Variants in MYLK observed in about 807,000 individuals in gnomAD.
MYLK encodes myosin light chain kinase, also known as myosin light chain kinase, smooth muscle.
MYLK carries 106 observed loss-of-function variants against 203.4 expected under a neutral mutation model. That is an observed-to-expected ratio of 0.52 (90% CI 0.45 to 0.61). MYLK has a LOEUF of 0.61. Among genes scored for constraint, MYLK ranks in the 20% least tolerant of loss-of-function variants. The pLI, the probability that MYLK is intolerant of heterozygous loss-of-function variation, is 0.00. For missense variants in MYLK, 2,072 were observed against 2,442.3 expected (o/e 0.85, Z 3.20); for synonymous variants, 867 against 959.5 (o/e 0.90, Z 1.78).
At chr3:123,874,765 T>C (rs1233482432) in intron 2 of MYLK, among the ~76,000 whole-genome samples, 2 of 152,004 alleles carry the variant, frequency 1.3e-5, no homozygotes, top group Non-Finnish European at 2.9e-5. Flanking sequence ...GTCCAGAATA[T>C]ATAAAGAGCT....
At chr3:123,702,120 C>T (rs2061258474) in intron 16 of MYLK, among the ~76,000 whole-genome samples, 1 of 152,206 alleles carries the variant, frequency 6.6e-6, no homozygotes, top group African/African-American at 2.4e-5. Flanking sequence ...CTGGATTCTT[C>T]ATGTCCATAA....
chr3:123,710,766 G>A (rs2061661438), intron 13 of MYLK, among the ~76,000 whole-genome samples: 2 of 152,134 alleles, frequency 1.3e-5, no homozygotes, highest in Non-Finnish European at 2.9e-5. Flanking sequence ...ACAAAGTCTT[G>A]TACACAAACA....
At position 123,640,517 on chromosome 3, in the gene MYLK, G is replaced by A. The variant is rs759029485; in HGVS notation, c.4620-13C>T. 12 of 1,613,404 alleles carry A rather than the reference G, an allele frequency of 7.4e-6. No homozygotes were observed. Among genetic ancestry groups the A allele is most frequent in the South Asian group, 2.2e-5 (2 of 91,058 alleles). On this transcript the variant is annotated splice_polypyrimidine_tract_variant and intron_variant, in intron 27 of 33. Transcript: ENST00000360304. This position sits in a 1 kb window ranked among gnomAD's most constrained non-coding sequence, Gnocchi z 4.3. ...CCCTCCTGACACGCTGCGGGAACAC[G>A]TGCACGGGGTGGTCAGGCCACAGGC...
In MYLK at chr3:123,657,198, C is replaced by A. The variant is rs1205248146; in HGVS notation, c.4216G>T (p.Ala1406Ser). 3 of 1,614,080 alleles carry A rather than the reference C, an allele frequency of 1.9e-6. No homozygotes were observed. The highest frequency in any genetic ancestry group is 2.5e-6 in the Non-Finnish European group (3 of 1,180,052). ...PDHEYKFRVR[A>S]INVYGTSEPS... Reference sequence around the variant, plus strand: ...TCACTGGTTCCATACACGTTGATTGCACGTACACGGAACTTATATTCGTGG... The same window carrying A: ...TCACTGGTTCCATACACGTTGATTGAACGTACACGGAACTTATATTCGTGG... Residue 1406 changes from alanine to serine, a missense_variant, in exon 24 of 34, where the codon GCA becomes TCA. By Grantham distance (99) the Ala-to-Ser change is moderately conservative (BLOSUM62 1). Transcript: ENST00000360304.
At chr3:123,685,612 GAAA>G (rs59215456) in intron 19 of MYLK, among the ~76,000 whole-genome samples, 1,811 of 112,390 alleles carry the variant, frequency 0.016, 26 homozygotes, top group Middle Eastern at 0.032. Flanking sequence ...TCCAAAAAAT[GAAA>G]AAAAAAAAAA....
At chr3:123,698,008 G>A (rs1223522004) in intron 18 of MYLK, among the ~76,000 whole-genome samples, 3 of 152,218 alleles carry the variant, frequency 2.0e-5, no homozygotes, top group Non-Finnish European at 4.4e-5. Flanking sequence ...CGAGAAGACA[G>A]TGGCTAATGG....
intron 11 of MYLK, among the ~76,000 whole-genome samples, chr3:123,729,509 T>C (rs958774376): frequency 6.6e-5 from 10 of 152,224 alleles, no homozygotes; most frequent in African/African-American, 2.4e-4. Context: ...TAGGCATTTC[T>C]CTGAAGGAGA....
intron 13 of MYLK, 96 bp downstream of exon 13, chr3:123,722,032 G>C: frequency 2.0e-6 from 3 of 1,493,534 alleles, no homozygotes; most frequent in Non-Finnish European, 2.7e-6. Context: ...CCCTGGATTT[G>C]AGCTCATGAT....
chr3:123,678,556 A>G (rs954567064), intron 20 of MYLK, among the ~76,000 whole-genome samples: 7 of 150,882 alleles, frequency 4.6e-5, no homozygotes, highest in Non-Finnish European at 2.9e-5. Flanking sequence ...GTCATGATCT[A>G]TTTGATGAAA....
At chr3:123,646,652 C>G (rs2059031689) in intron 27 of MYLK, among the ~76,000 whole-genome samples, 1 of 152,190 alleles carries the variant, frequency 6.6e-6, no homozygotes, top group Non-Finnish European at 1.5e-5. Flanking sequence ...TCTGATAATC[C>G]CCCTGCCTTT....
At chr3:123,803,640 C>G (rs1017441795) in intron 3 of MYLK, among the ~76,000 whole-genome samples, 6 of 152,242 alleles carry the variant, frequency 3.9e-5, no homozygotes, top group African/African-American at 1.4e-4. Flanking sequence ...CAAGCCCAGG[C>G]AGGGATGAGC....
At position 123,703,363 on chromosome 3, in the gene MYLK, CT is replaced by C. The variant is rs2061326549; in HGVS notation, c.2391-1855del. On this transcript the variant is annotated intron_variant, in intron 16 of 33. Transcript: ENST00000360304. ...TGTCCTTCTCTCCAGTGCCCTCGTG[CT>C]GTCCCAGGCTGTGCTGGTGCAGGTG... Among the ~76,000 whole-genome samples the C allele has an allele frequency of 4.6e-5, 7 of 152,318 alleles. No homozygotes were observed. The South Asian group carries it at 1.5e-3, about 32-fold the overall frequency.
At chr3:123,850,799 T>G (rs935175996) in intron 2 of MYLK, among the ~76,000 whole-genome samples, 2 of 152,174 alleles carry the variant, frequency 1.3e-5, no homozygotes, top group Admixed American at 1.3e-4. Context: ...TTTTGGTGTT[T>G]TAGACATGAA....
chr3:123,846,441 C>T (rs966189514), intron 2 of MYLK, among the ~76,000 whole-genome samples: 2 of 152,080 alleles, frequency 1.3e-5, no homozygotes, highest in African/African-American at 2.4e-5. Context: ...TCTTTTACTG[C>T]TATATATAGT....
intron 2 of MYLK, among the ~76,000 whole-genome samples, chr3:123,876,085 TG>T (rs2033134843): frequency 6.6e-6 from 1 of 152,010 alleles, no homozygotes; most frequent in African/African-American, 2.4e-5. Flanking sequence ...CATACAAAAC[TG>T]GCCAAGGGAA....
chr3:123,741,265 G>GGTTTAA (rs1434261596), intron 5 of MYLK, among the ~76,000 whole-genome samples: 1 of 152,138 alleles, frequency 6.6e-6, no homozygotes, highest in Non-Finnish European at 1.5e-5. Flanking sequence ...AGCCACACCC[G>GGTTTAA]GTTTAAGATT....
Position 123,795,191 on chromosome 3 carries a change from GT to G in MYLK, c.-3-1348del, listed in dbSNP as rs547985940. On this transcript the variant is annotated intron_variant, in intron 3 of 33. Coordinates refer to ENST00000360304, the MANE Select transcript of MYLK (RefSeq NM_053025.4). ...GTTGAAAGCATACTATGTAAACAAT[GT>G]TTTCTATTTTTTCCCTACAACTTTT... is the stretch of plus-strand genomic sequence containing the variant. 2.1e-3 allele frequency among the ~76,000 whole-genome samples: 316 copies of G among 152,190 alleles called. 4 individuals carry two copies. Among genetic ancestry groups the G allele is most frequent in the African/African-American group, 7.2e-3 (299 of 41,526 alleles).
chr3:123,750,634 C>T (rs879630698), intron 5 of MYLK, among the ~76,000 whole-genome samples: 6 of 152,218 alleles, frequency 3.9e-5, no homozygotes, highest in Non-Finnish European at 7.3e-5. Flanking sequence ...TAGAGTCACA[C>T]ATCTCATTGG....
At chr3:123,763,566 T>C (rs1297889132) in intron 4 of MYLK, among the ~76,000 whole-genome samples, 1 of 151,392 alleles carries the variant, frequency 6.6e-6, no homozygotes, top group African/African-American at 2.4e-5. Flanking sequence ...AGTGGAAACC[T>C]TTTTTTTTCT....
Sources: allele counts gnomAD v4.1 joint callset (sites outside exome capture counted in the v4.1 genomes callset), GRCh38; gene constraint gnomAD v4.1.1; non-coding constraint Gnocchi (gnomAD v3.1); transcripts MANE v1.5; gene names NCBI Gene and HGNC (gene_info 2026-07-23, HGNC 2026-07-21).